Variants in MYH10 observed in about 807,000 individuals in gnomAD.
The protein encoded by MYH10 is myosin heavy chain 10, also known as myosin-10.
Under a neutral mutation model 257.8 loss-of-function variants are expected in MYH10, and 55 were observed. That is an observed-to-expected ratio of 0.21 (90% confidence interval 0.17 to 0.27). The LOEUF is 0.27. Ranked by LOEUF, MYH10 falls within the 10% of genes least tolerant of loss-of-function variation. The probability of loss-of-function intolerance (pLI) is 1.00; values close to 1 mark genes in which losing one functional copy is unlikely to be tolerated. For missense variants in MYH10, 1,631 were observed against 2,500.6 expected (o/e 0.65, Z 7.42); for synonymous variants, 854 against 921.7 (o/e 0.93, Z 1.33).
intron 21 of MYH10, among the ~76,000 whole-genome samples, chr17:8,517,198 T>A (rs771034697): frequency 6.6e-6 from 1 of 152,210 alleles, no homozygotes; most frequent in Non-Finnish European, 1.5e-5. Context: ...TGTTTCTTAG[T>A]ATCAACCCGA....
intron 11 of MYH10, among the ~76,000 whole-genome samples, chr17:8,547,455 GA>G (rs1388350890): frequency 6.6e-6 from 1 of 151,982 alleles, no homozygotes; most frequent in Non-Finnish European, 1.5e-5. Context: ...AGCTTGGCCA[GA>G]AAATGGTGAC....
At chr17:8,486,593 C>A (rs1914845208) in intron 36 of MYH10, among the ~76,000 whole-genome samples, 1 of 147,950 alleles carries the variant, frequency 6.8e-6, no homozygotes, top group African/African-American at 2.5e-5. Flanking sequence ...GAAACAAGTT[C>A]CTACCAACCT....
At chr17:8,585,488 C>T (rs1057157347) in intron 4 of MYH10, among the ~76,000 whole-genome samples, 25 of 151,758 alleles carry the variant, frequency 1.6e-4, no homozygotes, top group African/African-American at 6.1e-4. Context: ...CAGTCACACA[C>T]ACTTGGAGTA....
At chr17:8,520,746 C>T (rs1176774469) in intron 19 of MYH10, 132 bp downstream of exon 19, 1 of 974,764 alleles carries the variant, frequency 1.0e-6, no homozygotes, top group Non-Finnish European at 1.5e-6. Context: ...CAGAACCTCA[C>T]TATATGTTTG....
At chr17:8,525,643 A>G (rs1051745967) in intron 17 of MYH10, among the ~76,000 whole-genome samples, 1 of 152,192 alleles carries the variant, frequency 6.6e-6, no homozygotes, top group South Asian at 2.1e-4. Context: ...CTTAAACACA[A>G]TCTGCTGTCA....
chr17:8,499,135 T>A (rs755688958), intron 30 of MYH10, 135 bp downstream of exon 30: 6 of 735,766 alleles, frequency 8.2e-6, no homozygotes, highest in South Asian at 1.8e-5. Context: ...TAAGACTCGA[T>A]GTATTTACTG....
At chr17:8,488,076 AG>A (rs764487100) in intron 35 of MYH10, among the ~76,000 whole-genome samples, 10 of 152,154 alleles carry the variant, frequency 6.6e-5, no homozygotes, top group African/African-American at 2.2e-4. Flanking sequence ...TCAGCAGGAA[AG>A]GGGGGAGCAG....
chr17:8,489,708 A>AACACACACACACAC lies in MYH10; in HGVS notation c.4884+618_4884+631dup, dbSNP rs59065540. Reference sequence around the variant, plus strand: ...GACAGAGCGAGACTCCGTCTGAAAAAACACACACACACACACACACACACA... The same window carrying AACACACACACACAC: ...GACAGAGCGAGACTCCGTCTGAAAAAACACACACACACACACACACACACACACACACACACACA... On this transcript the variant is annotated intron_variant, in intron 35 of 42. Transcript: ENST00000360416. Among the ~76,000 whole-genome samples the AACACACACACACAC allele has an allele frequency of 1.6e-3, 151 of 93,122 alleles. 1 individual carries two copies. The highest frequency in any genetic ancestry group is 5.3e-3 in the African/African-American group (143 of 27,020). The allele number at this position is 93,122 out of a possible 152,430, so 61.1% of individuals were successfully genotyped here.
chr17:8,612,386 A>G (rs2085074954), intron 2 of MYH10, among the ~76,000 whole-genome samples: 1 of 152,202 alleles, frequency 6.6e-6, no homozygotes, highest in African/African-American at 2.4e-5. Flanking sequence ...TGAATTTGTG[A>G]ACTAGGAAAA....
At position 8,535,056 on chromosome 17, in the gene MYH10, C is replaced by T. The variant is rs1044073410; in HGVS notation, c.1894+331G>A. On this transcript the variant is annotated intron_variant, in intron 16 of 42. Transcript: ENST00000360416. The surrounding 1 kb of genome is among the most constrained non-coding windows in gnomAD (Gnocchi z 4.3). The stretch of plus-strand genomic sequence containing the variant: ...GGAAAATGGAATGAGCAGGCCTTCT[C>T]GGGTTTTGTGTTCCAGTGTTCCTGG... 1.3e-5 allele frequency among the ~76,000 whole-genome samples: 2 copies of T among 152,092 alleles called. No homozygotes were observed. The highest frequency in any genetic ancestry group is 1.5e-5 in the Non-Finnish European group (1 of 68,016).
intron 19 of MYH10, among the ~76,000 whole-genome samples, 200 bp from the exon 20 acceptor site, chr17:8,519,150 A>C (rs991277500): frequency 6.6e-6 from 1 of 152,230 alleles, no homozygotes; most frequent in Non-Finnish European, 1.5e-5. Flanking sequence ...AGTAAAAATG[A>C]GGTTAGTTCT....
intron 1 of MYH10, among the ~76,000 whole-genome samples, chr17:8,626,703 C>T (rs966286712): frequency 2.0e-5 from 3 of 151,294 alleles, no homozygotes; most frequent in Non-Finnish European, 4.4e-5. Context: ...TAATAGGATA[C>T]ACACTCCACC....
Position 8,622,924 on chromosome 17 carries a change from C to T in MYH10, c.323G>A (p.Arg108His). 6.2e-7 allele frequency: 1 copy of T among 1,613,966 alleles called. No individual in the cohort carries two copies. The highest frequency in any genetic ancestry group is 8.5e-7 in the Non-Finnish European group (1 of 1,179,890). Residue 108 changes from arginine to histidine, a missense_variant, in exon 2 of 43, where the codon CGC (arginine) becomes CAC (histidine). Arg to His is a conservative substitution (Grantham distance 29, BLOSUM62 0). Coordinates refer to ENST00000360416, the MANE Select transcript of MYH10 (RefSeq NM_001256012.3). ...TACATAGATTAGTCCTGAATAGTAG[C>T]GATCCTTCAGATTATGTAAAACGGA... is the stretch of plus-strand genomic sequence containing the variant. ...EASVLHNLKDRYYSGLIYTYS... is the reference protein window; with the variant it reads ...EASVLHNLKDHYYSGLIYTYS...
Position 8,532,115 on chromosome 17 carries a change from G to A in MYH10, c.1895-1430C>T, listed in dbSNP as rs529769682. Among the ~76,000 whole-genome samples, 50 of 152,352 alleles carry A rather than the reference G, an allele frequency of 3.3e-4. No individual in the cohort carries two copies. In the Middle Eastern group the frequency reaches 0.01, roughly 31 times the overall value. On this transcript the variant is annotated intron_variant, in intron 16 of 42. Transcript: ENST00000360416. ...CAGATGAAACTAACTGTCCACCTAA[G>A]CTGAAGAGCGACAGCACCTCCTGCT...
At position 8,475,532 on chromosome 17, in the gene MYH10, T is replaced by G; in HGVS notation, c.*272A>C. ...TTAAAAAGGGTCTTACCATGTTTTA[T>G]AAAATGGTCTCTTGATGACTATATG... On this transcript the variant is annotated 3_prime_UTR_variant, in exon 43 of 43. Transcript: ENST00000360416. The G allele has an allele frequency of 2.8e-6, 1 of 359,074 alleles. No individual in the cohort carries two copies. Among genetic ancestry groups the G allele is most frequent in the South Asian group, 5.5e-5 (1 of 18,196 alleles). 22.2% of individuals were successfully genotyped at this position (359,074 alleles called of 1,614,324 possible).
intron 13 of MYH10, among the ~76,000 whole-genome samples, chr17:8,544,385 C>A (rs1031080336): frequency 6.6e-6 from 1 of 152,054 alleles, no homozygotes; most frequent in African/African-American, 2.4e-5. Flanking sequence ...CTGTTTGTTG[C>A]AGTTGGAAAT....
chr17:8,580,565 T>C (rs970347907), intron 4 of MYH10, among the ~76,000 whole-genome samples: 2 of 152,192 alleles, frequency 1.3e-5, no homozygotes, highest in Non-Finnish European at 2.9e-5. Flanking sequence ...GCTGAGTCAA[T>C]GAATGAATGT....
Position 8,490,676 on chromosome 17 carries a change from C to G in MYH10, c.4672-124G>C. 2.4e-6 allele frequency: 2 copies of G among 826,806 alleles called. No homozygotes were observed. The allele number at this position is 826,806 out of a possible 1,614,324, so 51.2% of individuals were successfully genotyped here. The stretch of plus-strand genomic sequence containing the variant: ...CCACTTTGGTCCCCCTGGGCCGGCC[C>G]CCTGCCACATGCATACACATCCTTC... On this transcript the variant is annotated intron_variant, in intron 34 of 42. Coordinates refer to ENST00000360416, the MANE Select transcript of MYH10 (RefSeq NM_001256012.3). The surrounding 1 kb of genome is among the most constrained non-coding windows in gnomAD (Gnocchi z 4.1).
chr17:8,511,015 C>CATATATATATATAT (rs56144668), intron 24 of MYH10: 7 of 120,532 alleles, frequency 5.8e-5, no homozygotes, highest in African/African-American at 2.7e-4. Context: ...TCATGTACCC[C>CATATATATATATAT]ATATATATAT....
Sources: gnomAD v4.1 joint callset for allele counts (sites outside exome capture counted in the v4.1 genomes callset) on GRCh38, gnomAD v4.1.1 for gene constraint, Gnocchi (gnomAD v3.1) non-coding constraint, MANE v1.5 for transcripts, NCBI Gene and HGNC (gene_info 2026-07-23, HGNC 2026-07-21) for gene names.